GPC5: variants seen among roughly 807,000 people sequenced by gnomAD.
GPC5 encodes the protein glypican 5, also known as glypican-5.
GPC5 carries 47 observed loss-of-function variants against 53.9 expected under a neutral mutation model. The ratio of observed to expected loss-of-function variants is 0.87; its 90% CI spans 0.69 to 1.11. The LOEUF is 1.11. Among genes scored for constraint, GPC5 ranks in the 50% most tolerant of loss-of-function variants. GPC5 has a pLI of 0.00. For synonymous variants in GPC5, 286 were observed against 263.3 expected (o/e 1.09, Z -0.84); for missense variants, 748 against 713.1 (o/e 1.05, Z -0.56).
At chr13:92,539,819 A>T (rs1360207525) in intron 7 of GPC5, among the ~76,000 whole-genome samples, 2 of 151,926 alleles carry the variant, frequency 1.3e-5, no homozygotes, top group Non-Finnish European at 2.9e-5. Context: ...CCCTGGCTTA[A>T]ACATTTTGAG....
intron 7 of GPC5, among the ~76,000 whole-genome samples, chr13:92,517,036 G>A (rs534996966): frequency 3.8e-4 from 58 of 152,142 alleles, no homozygotes; most frequent in Middle Eastern, 3.4e-3. Flanking sequence ...GTTATATCCC[G>A]CGCCTGTCTC....
chr13:91,625,672 G>A (rs2033980753), intron 2 of GPC5, among the ~76,000 whole-genome samples: 1 of 152,050 alleles, frequency 6.6e-6, no homozygotes, highest in African/African-American at 2.4e-5. Flanking sequence ...CAAGCCTAGT[G>A]TGAAAAAGAC....
intron 5 of GPC5, among the ~76,000 whole-genome samples, chr13:91,783,924 C>T (rs1156794941): frequency 6.6e-6 from 1 of 152,102 alleles, no homozygotes. Flanking sequence ...CAATGAGAGA[C>T]GGTTAGTATA....
intron 1 of GPC5, among the ~76,000 whole-genome samples, chr13:91,432,585 G>A (rs56040229): frequency 0.036 from 5,437 of 152,138 alleles, 140 homozygotes; most frequent in Middle Eastern, 0.068. Flanking sequence ...GTCTGAATTT[G>A]TCGGTTGCCA....
intron 7 of GPC5, among the ~76,000 whole-genome samples, chr13:92,250,857 G>C (rs1048823712): frequency 6.6e-6 from 1 of 151,894 alleles, no homozygotes; most frequent in African/African-American, 2.4e-5. Context: ...GCATATGGCA[G>C]GTCATTTTTA....
intron 7 of GPC5, among the ~76,000 whole-genome samples, chr13:92,407,008 T>G (rs957173758): frequency 4.6e-5 from 7 of 152,208 alleles, no homozygotes; most frequent in African/African-American, 7.2e-5. Context: ...GAATAATAAA[T>G]TTGAAGCTAA....
chr13:92,863,685 G>T (rs1228073585), intron 7 of GPC5, among the ~76,000 whole-genome samples: 3 of 152,066 alleles, frequency 2.0e-5, no homozygotes, highest in Non-Finnish European at 4.4e-5. Flanking sequence ...TAGAGACGGG[G>T]TTTCTCCATG....
At chr13:92,759,572 C>A (rs1211086278) in intron 7 of GPC5, among the ~76,000 whole-genome samples, 1 of 152,120 alleles carries the variant, frequency 6.6e-6, no homozygotes, top group South Asian at 2.1e-4. Context: ...TTATGTCCTG[C>A]AATTTCACTG....
intron 2 of GPC5, among the ~76,000 whole-genome samples, chr13:91,584,618 G>A (rs1182635002): frequency 6.7e-6 from 1 of 150,186 alleles, no homozygotes; most frequent in African/African-American, 2.5e-5. Flanking sequence ...TGCTCTTGTT[G>A]CCCAGGCTGG....
intron 6 of GPC5, among the ~76,000 whole-genome samples, chr13:91,997,406 C>T (rs1380878454): frequency 2.0e-5 from 3 of 152,180 alleles, no homozygotes; most frequent in Non-Finnish European, 4.4e-5. Flanking sequence ...TCAGCCTTCT[C>T]TTTGTTGGTT....
rs1481772173 is a variant in GPC5 at position 92,623,877 on chromosome 13, G to A, written c.1562-242405G>A. Among the ~76,000 whole-genome samples, 3 of 136,406 alleles carry A rather than the reference G, an allele frequency of 2.2e-5. No individual in the cohort carries two copies. The East Asian group carries it at 7.6e-4, about 35-fold the overall frequency. The allele number at this position is 136,406 out of a possible 152,430, so 89.5% of individuals were successfully genotyped here. On this transcript the variant is annotated intron_variant, in intron 7 of 7. Coordinates refer to ENST00000377067, the MANE Select transcript of GPC5 (RefSeq NM_004466.6). ...TTATTTATTTATTTATTTATTTTGA[G>A]ACAGAGTTTTGCTCTTGCCCAGGCC... is the stretch of plus-strand genomic sequence containing the variant.
intron 7 of GPC5, among the ~76,000 whole-genome samples, chr13:92,382,577 A>G (rs1424110767): frequency 6.6e-6 from 1 of 151,734 alleles, no homozygotes; most frequent in Admixed American, 6.6e-5. Context: ...GAAGTTGTTC[A>G]CACCAGACTC....
At chr13:92,330,754 A>G (rs886462996) in intron 7 of GPC5, among the ~76,000 whole-genome samples, 1 of 152,126 alleles carries the variant, frequency 6.6e-6, no homozygotes, top group Non-Finnish European at 1.5e-5. Context: ...ATTTTTTAGG[A>G]ATAAGGTAAA....
chr13:91,795,516 G>A (rs142566603), intron 5 of GPC5, among the ~76,000 whole-genome samples: 78 of 152,228 alleles, frequency 5.1e-4, no homozygotes, highest in Non-Finnish European at 8.5e-4. Flanking sequence ...CTTTTGGATG[G>A]ATGCCAAAGA....
chr13:91,840,758 T>A (rs57913269), intron 5 of GPC5, among the ~76,000 whole-genome samples: 4,899 of 149,522 alleles, frequency 0.033, 190 homozygotes, highest in African/African-American at 0.093. Flanking sequence ...TTTTTTTTTT[T>A]TAAAAAACAT....
chr13:92,664,354 ATTTT>A (rs34073544), intron 7 of GPC5, among the ~76,000 whole-genome samples: 33,363 of 144,196 alleles, frequency 0.23, 4,433 homozygotes, highest in South Asian at 0.39. Context: ...AATCCAATAG[ATTTT>A]TTTTTTTTTT....
intron 6 of GPC5, among the ~76,000 whole-genome samples, chr13:92,143,410 C>T (rs2041845197): frequency 6.6e-6 from 1 of 152,000 alleles, no homozygotes; most frequent in South Asian, 2.1e-4. Flanking sequence ...TATTTCCTAT[C>T]TGTGTTTCTT....
intron 1 of GPC5, among the ~76,000 whole-genome samples, chr13:91,421,850 A>G (rs1038953036): frequency 2.9e-4 from 44 of 152,334 alleles, no homozygotes; most frequent in Admixed American, 2.5e-3. Flanking sequence ...AGTGCTCCAT[A>G]TATTGGAATT....
At chr13:92,408,375 G>C in intron 7 of GPC5, among the ~76,000 whole-genome samples, 1 of 152,026 alleles carries the variant, frequency 6.6e-6, no homozygotes, top group East Asian at 1.9e-4. Context: ...ATCATAATTT[G>C]TGTTCCCCTG....
Sources: allele counts gnomAD v4.1 joint callset (sites outside exome capture counted in the v4.1 genomes callset), GRCh38; gene constraint gnomAD v4.1.1; transcripts MANE v1.5; gene names NCBI Gene and HGNC (gene_info 2026-07-23, HGNC 2026-07-21).